EFEMP1: variants seen among roughly 807,000 people sequenced by gnomAD.
EFEMP1 encodes EGF-like fibulin extracellular matrix protein 1.
Under a neutral mutation model 65.7 loss-of-function variants are expected in EFEMP1, and 18 were observed. The ratio of observed to expected loss-of-function variants is 0.27; its 90% confidence interval spans 0.19 to 0.41. EFEMP1 has a LOEUF of 0.41. EFEMP1 is among the 10% of genes least tolerant of loss of function. The pLI is 1.00. For synonymous variants in EFEMP1, 237 were observed against 219.7 expected, an observed-to-expected ratio of 1.08 and a Z score of -0.70; for missense variants, 469 against 624.8, an observed-to-expected ratio of 0.75 and a Z score of 2.66.
At position 55,917,940 on chromosome 2, in the gene EFEMP1, T is replaced by C. The variant is rs761555796; in HGVS notation, c.242A>G (p.Asn81Ser). 7 of 1,614,108 alleles carry C rather than the reference T, an allele frequency of 4.3e-6. No homozygotes were observed. Among genetic ancestry groups the C allele is most frequent in the Middle Eastern group, 1.6e-4 (1 of 6,084 alleles). The change falls in exon 5 of 12, where the codon AAT (asparagine) becomes AGT (serine). Residue 81 changes from asparagine to serine, a missense_variant. This residue lies in a region of EFEMP1 where 399 missense variants were observed against 528.2 expected (regional missense o/e 0.76). Coordinates refer to ENST00000355426, the MANE Select transcript of EFEMP1 (RefSeq NM_001039348.3). This position sits in a 1 kb window ranked among gnomAD's most constrained non-coding sequence, Gnocchi z 6.3. ...LPKTAQIIVNNEQPQQETQPA... is the reference protein window; with the variant it reads ...LPKTAQIIVNSEQPQQETQPA... ...TTGTGTTTCCTGCTGAGGCTGTTCA[T>C]TATTGACAATAATCTGGGCTGTTTT... is the stretch of plus-strand genomic sequence containing the variant.
Position 55,923,040 on chromosome 2 carries a change from C to G in EFEMP1, c.-48-101G>C. The G allele has an allele frequency of 1.2e-6, 1 of 831,710 alleles. No individual in the cohort carries two copies. The highest frequency in any genetic ancestry group is 1.5e-6 in the Non-Finnish European group (1 of 683,778). 51.5% of individuals were successfully genotyped at this position (831,710 alleles called of 1,614,324 possible). On this transcript the variant is annotated intron_variant, in intron 1 of 11. Transcript: ENST00000355426. The surrounding 1 kb of genome is among the most constrained non-coding windows in gnomAD (Gnocchi z 5.3). ...GCAATCTTCCAGTTCTAGTAGAATACTAGACCTTCTCACATGTCTCAGAGC... is the reference window on the plus strand; with the variant it reads ...GCAATCTTCCAGTTCTAGTAGAATAGTAGACCTTCTCACATGTCTCAGAGC...
intron 3 of EFEMP1, among the ~76,000 whole-genome samples, chr2:55,920,027 A>G (rs2104455628): frequency 6.6e-6 from 1 of 152,176 alleles, no homozygotes; most frequent in East Asian, 1.9e-4. Flanking sequence ...TCTCTCTGAG[A>G]CCTCACAGTG....
At chr2:55,889,930 G>A (rs747004567) in intron 5 of EFEMP1, among the ~76,000 whole-genome samples, 15 of 151,884 alleles carry the variant, frequency 9.9e-5, no homozygotes, top group Non-Finnish European at 1.5e-4. Flanking sequence ...AAACTAAAAT[G>A]TGCAGGACAA....
chr2:55,885,154 C>T lies in EFEMP1; in HGVS notation c.518-3420G>A, dbSNP rs1669380061. On this transcript the variant is annotated intron_variant, in intron 5 of 11. Coordinates refer to ENST00000355426, the MANE Select transcript of EFEMP1 (RefSeq NM_001039348.3). This position sits in a 1 kb window ranked among gnomAD's most constrained non-coding sequence, Gnocchi z 4.3. ...GCTATGAGGTATAAAGCAGATTCGC[C>T]AGAAGAGGTGGGTTCTCCACTGCAT... 6.6e-6 allele frequency among the ~76,000 whole-genome samples: 1 copy of T among 152,128 alleles called. No individual in the cohort carries two copies. The highest frequency in any genetic ancestry group is 6.6e-5 in the Admixed American group (1 of 15,266).
chr2:55,896,014 T>G (rs751695729), intron 5 of EFEMP1, among the ~76,000 whole-genome samples: 6 of 152,132 alleles, frequency 3.9e-5, no homozygotes, highest in Admixed American at 6.5e-5. Flanking sequence ...ACCACCAAAG[T>G]CTGGCATTCT....
At chr2:55,899,814 T>C (rs1669964566) in intron 5 of EFEMP1, among the ~76,000 whole-genome samples, 1 of 152,188 alleles carries the variant, frequency 6.6e-6, no homozygotes, top group Non-Finnish European at 1.5e-5. Flanking sequence ...AGGTCACCTC[T>C]CTGAAGGATT....
intron 5 of EFEMP1, among the ~76,000 whole-genome samples, chr2:55,893,090 T>C (rs1019004250): frequency 6.6e-6 from 1 of 152,156 alleles, no homozygotes; most frequent in Non-Finnish European, 1.5e-5. Context: ...TGTGGATGAC[T>C]GTGAGGCTGC....
chr2:55,866,379 T>C lies in EFEMP1; in HGVS notation c.*694A>G, dbSNP rs1668578300. 6.6e-6 allele frequency: 1 copy of C among 152,200 alleles called. No individual in the cohort carries two copies. Among genetic ancestry groups the C allele is most frequent in the Admixed American group, 6.6e-5 (1 of 15,256 alleles). The allele number at this position is 152,200 out of a possible 1,614,324, so 9.4% of individuals were successfully genotyped here. A position where few individuals can be genotyped will look rare whatever the true frequency, so the allele number is the denominator to read the frequency against. ...TATTTTCTCATATCCTCCCCATAGA[T>C]TTCTCAATAGTATAATTTTCTAGGG... On this transcript the variant is annotated 3_prime_UTR_variant, in exon 12 of 12. Coordinates refer to ENST00000355426, the MANE Select transcript of EFEMP1 (RefSeq NM_001039348.3).
intron 5 of EFEMP1, among the ~76,000 whole-genome samples, chr2:55,904,198 G>T (rs941338557): frequency 6.6e-6 from 1 of 152,168 alleles, no homozygotes; most frequent in African/African-American, 2.4e-5. Flanking sequence ...GCTAGAGGGT[G>T]AGTGTCACTG....
Position 55,921,796 on chromosome 2 carries a change from C to A in EFEMP1, c.81+564G>T, listed in dbSNP as rs1358102461. On this transcript the variant is annotated intron_variant, in intron 3 of 11. Transcript: ENST00000355426. This position sits in a 1 kb window ranked among gnomAD's most constrained non-coding sequence, Gnocchi z 4.1. Reference sequence around the variant, plus strand: ...CATTACGTTTTAAAACCACTTTAGCCAATATGCATCCTGGTAACACATAAA... The same window carrying A: ...CATTACGTTTTAAAACCACTTTAGCAAATATGCATCCTGGTAACACATAAA... Among the ~76,000 whole-genome samples the A allele has an allele frequency of 6.6e-6, 1 of 152,192 alleles. No individual in the cohort carries two copies. The highest frequency in any genetic ancestry group is 1.5e-5 in the Non-Finnish European group (1 of 68,026).
chr2:55,920,351 C>T (rs559404999), intron 3 of EFEMP1, among the ~76,000 whole-genome samples: 1 of 152,336 alleles, frequency 6.6e-6, no homozygotes, highest in Admixed American at 6.5e-5. Flanking sequence ...TGCTTAGGAA[C>T]TTTGTAGTTT....
chr2:55,923,096 G>A lies in EFEMP1; in HGVS notation c.-48-157C>T, dbSNP rs1411545726. ...ACATCCCCCAGCACAAACTCTCAAA[G>A]TGGCATTTCCACGCCTTTCTCTGCG... On this transcript the variant is annotated intron_variant, in intron 1 of 11. Transcript: ENST00000355426. This position sits in a 1 kb window ranked among gnomAD's most constrained non-coding sequence, Gnocchi z 5.3. Among the ~76,000 whole-genome samples, 1 of 152,184 alleles carries A rather than the reference G, an allele frequency of 6.6e-6. No homozygotes were observed. The highest frequency in any genetic ancestry group is 1.9e-4 in the East Asian group (1 of 5,186).
intron 6 of EFEMP1, among the ~76,000 whole-genome samples, chr2:55,881,140 C>T (rs1256282250): frequency 6.6e-6 from 1 of 152,212 alleles, no homozygotes; most frequent in Non-Finnish European, 1.5e-5. Context: ...ATCATCTCCA[C>T]AGTACAAGTG....
chr2:55,874,866 T>C (rs1668964527), intron 9 of EFEMP1, 80 bp downstream of exon 9: 2 of 1,473,790 alleles, frequency 1.4e-6, no homozygotes, highest in South Asian at 1.2e-5. Flanking sequence ...TGAAAGTCTA[T>C]AGGAGAATCC....
chr2:55,916,098 G>A (rs908148723), intron 5 of EFEMP1, among the ~76,000 whole-genome samples: 3 of 149,378 alleles, frequency 2.0e-5, no homozygotes, highest in Non-Finnish European at 3.0e-5. Context: ...AGCATGACAA[G>A]TTTCCTTCAT....
At position 55,870,978 on chromosome 2, in the gene EFEMP1, C is replaced by G. The variant is rs1422860047; in HGVS notation, c.1124+22G>C. 2.5e-6 allele frequency: 4 copies of G among 1,613,598 alleles called. No individual in the cohort carries two copies. The highest frequency in any genetic ancestry group is 1.1e-5 in the South Asian group (1 of 91,078). On this transcript the variant is annotated intron_variant, in intron 10 of 11. Coordinates refer to ENST00000355426, the MANE Select transcript of EFEMP1 (RefSeq NM_001039348.3). This position sits in a 1 kb window ranked among gnomAD's most constrained non-coding sequence, Gnocchi z 5.8. ...GGTAAGACCAGAAAATCCTCACTTT[C>G]AAAAGTTCTGATTTTTCTTACTTCT...
At chr2:55,906,027 A>T (rs1032615890) in intron 5 of EFEMP1, among the ~76,000 whole-genome samples, 3 of 152,164 alleles carry the variant, frequency 2.0e-5, no homozygotes, top group African/African-American at 7.2e-5. Context: ...TTGCTATTTA[A>T]CATTTTTTTG....
intron 5 of EFEMP1, among the ~76,000 whole-genome samples, chr2:55,915,285 C>G (rs1408406511): frequency 1.3e-5 from 2 of 152,222 alleles, no homozygotes; most frequent in South Asian, 2.1e-4. Flanking sequence ...TGTGTGCACA[C>G]AGTCAACAGG....
Position 55,871,552 on chromosome 2 carries a change from C to G in EFEMP1, c.1001-429G>C, listed in dbSNP as rs184494313. ...TGTGGAGCAGAGTTGGGTAATTTTG[C>G]CAGGGGGATTAGGGAAGGCTGAAGG... is the stretch of plus-strand genomic sequence containing the variant. On this transcript the variant is annotated intron_variant, in intron 9 of 11. Coordinates refer to ENST00000355426, the MANE Select transcript of EFEMP1 (RefSeq NM_001039348.3). The surrounding 1 kb of genome is among the most constrained non-coding windows in gnomAD (Gnocchi z 4.2). 6.6e-6 allele frequency among the ~76,000 whole-genome samples: 1 copy of G among 151,912 alleles called. No individual in the cohort carries two copies. Among genetic ancestry groups the G allele is most frequent in the Admixed American group, 6.6e-5 (1 of 15,228 alleles).
Sources: gnomAD v4.1 joint callset for allele counts (sites outside exome capture counted in the v4.1 genomes callset) on GRCh38, gnomAD v4.1.1 for gene constraint, gnomAD v4.1.1 regional missense constraint, Gnocchi (gnomAD v3.1) non-coding constraint, MANE v1.5 for transcripts, NCBI Gene and HGNC (gene_info 2026-07-23, HGNC 2026-07-21) for gene names.